KIAA1958: variants seen among roughly 807,000 people sequenced by gnomAD.
The protein encoded by KIAA1958 is KIAA1958.
Under a neutral mutation model 47.2 loss-of-function variants are expected in KIAA1958, and 14 were observed. The ratio of observed to expected loss-of-function variants is 0.30; its 90% CI spans 0.20 to 0.46. The LOEUF is 0.46. KIAA1958 is among the 20% of genes least tolerant of loss of function. The pLI is 1.00. For missense variants in KIAA1958, 803 were observed against 909.2 expected (o/e 0.88, Z 1.50); for synonymous variants, 354 against 353.3 (o/e 1.00, Z -0.02).
intron 2 of KIAA1958, among the ~76,000 whole-genome samples, chr9:112,591,701 C>A (rs1468083030): frequency 1.3e-5 from 2 of 151,592 alleles, no homozygotes; most frequent in East Asian, 3.9e-4. Context: ...GAGACCATTC[C>A]GGGCAACACA....
rs565918328 is a variant in KIAA1958, at chr9:112,668,925, C to G, written c.*8856C>G. The G allele has an allele frequency of 6.6e-6, 1 of 152,282 alleles. No homozygotes were observed. The highest frequency in any genetic ancestry group is 1.9e-4 in the East Asian group (1 of 5,190). 9.4% of individuals were successfully genotyped at this position (152,282 alleles called of 1,614,324 possible). ...CTTTTATTTAAAAATTTAATATTTT[C>G]TATGGGGCTGTATTTTCCAAATAAT... is the stretch of plus-strand genomic sequence containing the variant. On this transcript the variant is annotated 3_prime_UTR_variant, in exon 4 of 4. Transcript: ENST00000337530.
At chr9:112,542,305 T>C (rs1436590978) in intron 1 of KIAA1958, among the ~76,000 whole-genome samples, 1 of 152,168 alleles carries the variant, frequency 6.6e-6, no homozygotes, top group East Asian at 1.9e-4. Context: ...TATAAACTTA[T>C]GGAAATGTTC....
At chr9:112,563,085 C>CTA (rs374741842) in intron 1 of KIAA1958, among the ~76,000 whole-genome samples, 86 of 131,534 alleles carry the variant, frequency 6.5e-4, no homozygotes, top group African/African-American at 1.1e-3. Context: ...CTCTCTCTCT[C>CTA]TATATATATA....
intron 1 of KIAA1958, among the ~76,000 whole-genome samples, chr9:112,511,992 G>A (rs1470724811): frequency 6.6e-6 from 1 of 152,144 alleles, no homozygotes; most frequent in African/African-American, 2.4e-5. Flanking sequence ...AGAAACCTGA[G>A]CAGTCCTGTA....
Position 112,659,992 on chromosome 9 carries a change from G to A in KIAA1958, c.2074G>A (p.Glu692Lys). Residue 692 changes from glutamate (E) to lysine (K), a missense_variant, in exon 4 of 4, where the codon GAA (glutamate) becomes AAA (lysine). Physicochemically the swap from Glu to Lys is moderately conservative, Grantham distance 56. Around this residue, in one of 2 missense-constraint regions of KIAA1958, gnomAD observed 761 missense variants for 829.3 expected, o/e 0.92. Coordinates refer to ENST00000337530, the MANE Select transcript of KIAA1958 (RefSeq NM_133465.4). ...AAACTTAGCCAAGAAGGTCAAGCTG[G>A]AAAACTGTGAGAACTTCACCTTTGT... is the stretch of plus-strand genomic sequence containing the variant. ...VPNLAKKVKL[E>K]NCENFTFVSF... The A allele has an allele frequency of 6.2e-7, 1 of 1,614,246 alleles. No individual in the cohort carries two copies. Among genetic ancestry groups the A allele is most frequent in the Non-Finnish European group, 8.5e-7 (1 of 1,180,054 alleles).
chr9:112,488,881 A>G (rs1345855748), intron 1 of KIAA1958, among the ~76,000 whole-genome samples: 2 of 152,182 alleles, frequency 1.3e-5, no homozygotes, highest in African/African-American at 4.8e-5. Flanking sequence ...AGTTAAACAG[A>G]TTAATATTAT....
intron 2 of KIAA1958, among the ~76,000 whole-genome samples, chr9:112,592,130 G>A (rs1034708332): frequency 1.3e-5 from 2 of 152,198 alleles, no homozygotes; most frequent in Non-Finnish European, 2.9e-5. Flanking sequence ...ATGAGTTAGG[G>A]TGGAGCAGGT....
intron 2 of KIAA1958, among the ~76,000 whole-genome samples, chr9:112,608,864 G>A (rs1461366845): frequency 6.6e-6 from 1 of 152,088 alleles, no homozygotes; most frequent in Non-Finnish European, 1.5e-5. Context: ...TGTAGCAAGA[G>A]CCCCTTCCTC....
At chr9:112,521,063 ATATT>A in intron 1 of KIAA1958, among the ~76,000 whole-genome samples, 1 of 152,058 alleles carries the variant, frequency 6.6e-6, no homozygotes, top group South Asian at 2.1e-4. Context: ...GTTGGGTTTA[ATATT>A]TAAACAATAT....
chr9:112,542,154 G>A (rs576864751), intron 1 of KIAA1958, among the ~76,000 whole-genome samples: 1 of 152,098 alleles, frequency 6.6e-6, no homozygotes, highest in South Asian at 2.1e-4. Flanking sequence ...TTCCCAATAT[G>A]GTCAAGAGTA....
intron 2 of KIAA1958, among the ~76,000 whole-genome samples, chr9:112,604,189 A>G (rs1212824559): frequency 1.3e-5 from 2 of 152,208 alleles, no homozygotes; most frequent in Non-Finnish European, 2.9e-5. Flanking sequence ...GTGTTTTTCC[A>G]TGCCATCTTC....
At chr9:112,537,154 G>A (rs1834869131) in intron 1 of KIAA1958, among the ~76,000 whole-genome samples, 1 of 150,846 alleles carries the variant, frequency 6.6e-6, no homozygotes, top group Non-Finnish European at 1.5e-5. Flanking sequence ...CGCCCAGGCT[G>A]GAGTGCAGTG....
chr9:112,556,851 A>G (rs1168678401), intron 1 of KIAA1958, among the ~76,000 whole-genome samples: 1 of 152,152 alleles, frequency 6.6e-6, no homozygotes, highest in Admixed American at 6.6e-5. Flanking sequence ...GGCTGGGGGT[A>G]GTGGGGCAGG....
At chr9:112,561,961 C>G (rs886226114) in intron 1 of KIAA1958, among the ~76,000 whole-genome samples, 10 of 152,144 alleles carry the variant, frequency 6.6e-5, no homozygotes, top group African/African-American at 9.7e-5. Context: ...TTGCATGGCT[C>G]CCAGAGACGG....
Position 112,667,451 on chromosome 9 carries a change from C to G in KIAA1958, c.*7382C>G, listed in dbSNP as rs1177447240. The stretch of plus-strand genomic sequence containing the variant: ...ATTAGCCGGGCATGGTAGCACATGC[C>G]TGTAATTCCAGCTACTCGGGAGGCT... On this transcript the variant is annotated 3_prime_UTR_variant, in exon 4 of 4. Transcript: ENST00000337530. 1 of 152,156 alleles carries G rather than the reference C, an allele frequency of 6.6e-6. No homozygotes were observed. Among genetic ancestry groups the G allele is most frequent in the Non-Finnish European group, 1.5e-5 (1 of 68,100 alleles). The allele number at this position is 152,156 out of a possible 1,614,324, so 9.4% of individuals were successfully genotyped here.
intron 2 of KIAA1958, among the ~76,000 whole-genome samples, chr9:112,597,077 C>T (rs918642191): frequency 6.6e-6 from 1 of 152,140 alleles, no homozygotes. Flanking sequence ...TCAGTCATTG[C>T]AGCCATAAAA....
At chr9:112,641,155 C>T (rs2131239114) in intron 2 of KIAA1958, among the ~76,000 whole-genome samples, 1 of 151,992 alleles carries the variant, frequency 6.6e-6, no homozygotes, top group Middle Eastern at 3.4e-3. Context: ...TTTCATTTTG[C>T]CGGCAAATAT....
intron 1 of KIAA1958, among the ~76,000 whole-genome samples, chr9:112,518,009 A>T (rs1834467726): frequency 6.6e-6 from 1 of 152,214 alleles, no homozygotes; most frequent in African/African-American, 2.4e-5. Context: ...TTGCCCTTTC[A>T]AAAAGTTAAA....
intron 3 of KIAA1958, among the ~76,000 whole-genome samples, chr9:112,653,365 A>G (rs2131249332): frequency 6.6e-6 from 1 of 152,344 alleles, no homozygotes; most frequent in East Asian, 1.9e-4. Flanking sequence ...CTACGGCTCC[A>G]TAACAAACCA....
Sources: allele counts gnomAD v4.1 joint callset (sites outside exome capture counted in the v4.1 genomes callset), GRCh38; gene constraint gnomAD v4.1.1; regional missense constraint gnomAD v4.1.1; transcripts MANE v1.5; gene names NCBI Gene and HGNC (gene_info 2026-07-23, HGNC 2026-07-21).